Variants in PHEX observed in about 807,000 individuals in gnomAD.
The protein encoded by PHEX is phosphate regulating endopeptidase X-linked.
Under a neutral mutation model 68.0 loss-of-function variants are expected in PHEX, and 16 were observed. The observed-to-expected ratio is 0.24, with a 90% confidence interval of 0.16 to 0.36. The LOEUF is 0.36. Ranked by LOEUF, PHEX falls within the 10% of genes least tolerant of loss-of-function variation. The pLI is 1.00. For synonymous variants in PHEX, 208 were observed against 205.1 expected (o/e 1.01, Z -0.12); for missense variants, 480 against 575.5 (o/e 0.83, Z 1.70).
At chrX:22,238,756 A>C (rs900312156) in intron 20 of PHEX, among the ~76,000 whole-genome samples, 4 of 111,712 alleles carry the variant, frequency 3.6e-5, no homozygotes, top group African/African-American at 1.3e-4. Flanking sequence ...CAGTCAGGGA[A>C]TTATAGGTAA....
chrX:22,224,986 T>TGTATGATTTATTATCATACAGTG (rs1260080448), intron 18 of PHEX, among the ~76,000 whole-genome samples: 1 of 43,507 alleles, frequency 2.3e-5, no homozygotes, highest in Admixed American at 3.3e-4. Context: ...ATCATACAGC[T>TGTATGATTTATTATCATACAGTG]CTGTATGTCA....
intron 1 of PHEX, among the ~76,000 whole-genome samples, chrX:22,037,826 G>A (rs902082983): frequency 3.0e-4 from 33 of 110,725 alleles, no homozygotes; most frequent in African/African-American, 1.0e-3. Flanking sequence ...TTTTTGGTCC[G>A]TATCTGTATG....
intron 9 of PHEX, among the ~76,000 whole-genome samples, chrX:22,101,603 C>G (rs1337892106): frequency 9.0e-6 from 1 of 111,443 alleles, no homozygotes; most frequent in Non-Finnish European, 1.9e-5. Flanking sequence ...TATGGCTCTG[C>G]CCTCCCTTGG....
intron 20 of PHEX, 103 bp from the exon 21 acceptor site, chrX:22,245,230 T>C (rs1055203002): frequency 1.6e-6 from 1 of 622,358 alleles, no homozygotes; most frequent in African/African-American, 2.2e-5. Context: ...TTGTCATCCA[T>C]TGGTTCTAAA....
At chrX:22,224,983 A>AGT (rs1569433265) in intron 18 of PHEX, among the ~76,000 whole-genome samples, 6 of 108,513 alleles carry the variant, frequency 5.5e-5, no homozygotes, top group Non-Finnish European at 5.8e-5. Context: ...ATTATCATAC[A>AGT]GCTCTGTATG....
At chrX:22,157,909 A>G (rs780556553) in intron 12 of PHEX, among the ~76,000 whole-genome samples, 19 of 112,167 alleles carry the variant, frequency 1.7e-4, no homozygotes, top group African/African-American at 5.8e-4. Context: ...GTGCTTATCT[A>G]TCTTCTACCC....
intron 11 of PHEX, among the ~76,000 whole-genome samples, chrX:22,126,110 C>T (rs776915277): frequency 8.9e-6 from 1 of 112,072 alleles, no homozygotes; most frequent in South Asian, 3.7e-4. Context: ...AATCATATCA[C>T]ATGAGATATG....
chrX:22,053,686 A>C (rs1297307257), intron 3 of PHEX, among the ~76,000 whole-genome samples: 1 of 111,915 alleles, frequency 8.9e-6, no homozygotes, highest in Non-Finnish European at 1.9e-5. Context: ...TAGAACACTT[A>C]TGTCACACAG....
rs191942122 is a variant in PHEX at position 22,239,575 on chromosome X, C to T, written c.2071-5758C>T. ...CTTGATGGAGCTGAAAAACACAGCA[C>T]GAGAACTTTGTGAAGCATACACAAG... is the stretch of plus-strand genomic sequence containing the variant. On this transcript the variant is annotated intron_variant, in intron 20 of 21. Coordinates refer to ENST00000379374, the MANE Select transcript of PHEX (RefSeq NM_000444.6). 1.0e-4 allele frequency among the ~76,000 whole-genome samples: 11 copies of T among 110,449 alleles called. No homozygotes were observed. In the East Asian group the frequency reaches 1.1e-3, roughly 12 times the overall value.
chrX:22,046,906 GT>G, intron 2 of PHEX, 143 bp from the exon 3 acceptor site: 1 of 526,542 alleles, frequency 1.9e-6, no homozygotes. Flanking sequence ...ATATAGTGAG[GT>G]AGATTCAGAG....
chrX:22,088,439 G>A (rs1929713357), intron 5 of PHEX, among the ~76,000 whole-genome samples: 1 of 111,267 alleles, frequency 9.0e-6, no homozygotes, highest in Non-Finnish European at 1.9e-5. Flanking sequence ...AGTAATACAT[G>A]AGTGATCCAA....
intron 3 of PHEX, among the ~76,000 whole-genome samples, chrX:22,073,739 A>G (rs1929020676): frequency 1.0e-5 from 1 of 99,891 alleles, no homozygotes; most frequent in South Asian, 4.7e-4. Flanking sequence ...TCCTGGGTTC[A>G]AGCGATTCTC....
intron 20 of PHEX, among the ~76,000 whole-genome samples, chrX:22,228,627 T>A (rs1423488313): frequency 8.9e-6 from 1 of 111,960 alleles, no homozygotes; most frequent in African/African-American, 3.2e-5. Flanking sequence ...ATCTTTAGAT[T>A]TTCCTGGTTA....
rs184259270 is a variant in PHEX, at chrX:22,190,046, A to G, written c.1587-398A>G. ...TAAATGGACAGGCCAGAGGTAATGCAGCATAGAAACCCAATTGTCCATTCA... is the reference window on the plus strand; with the variant it reads ...TAAATGGACAGGCCAGAGGTAATGCGGCATAGAAACCCAATTGTCCATTCA... On this transcript the variant is annotated intron_variant, in intron 14 of 21. Transcript: ENST00000379374. Among the ~76,000 whole-genome samples, 294 of 112,284 alleles carry G rather than the reference A, an allele frequency of 2.6e-3. 2 individuals are homozygous for G. The highest frequency in any genetic ancestry group is 3.2e-3 in the Non-Finnish European group (171 of 53,284).
chrX:22,172,668 C>T (rs1299777605), intron 13 of PHEX: 3 of 111,650 alleles, frequency 2.7e-5, no homozygotes, highest in African/African-American at 9.8e-5. Flanking sequence ...CCTGTAGTGC[C>T]TCCTATTTGC....
At chrX:22,147,970 T>G (rs1932758549) in intron 12 of PHEX, among the ~76,000 whole-genome samples, 1 of 110,747 alleles carries the variant, frequency 9.0e-6, no homozygotes, top group Non-Finnish European at 1.9e-5. Flanking sequence ...GGTTTTATTT[T>G]TTTTTCCATC....
rs1251948879 is a variant in PHEX at position 22,087,352 on chromosome X, A to C, written c.664-3077A>C. 2.7e-5 allele frequency among the ~76,000 whole-genome samples: 3 copies of C among 111,962 alleles called. No individual in the cohort carries two copies. The Admixed American group carries it at 2.9e-4, about 11-fold the overall frequency. On this transcript the variant is annotated intron_variant, in intron 5 of 21. Transcript: ENST00000379374. ...ATAGTGGCAGATTGGGAATTGCAGT[A>C]GGACGAAGCCAGGAAGGCTTGTGAC...
chrX:22,070,227 G>A (rs1928837787), intron 3 of PHEX, among the ~76,000 whole-genome samples: 1 of 111,981 alleles, frequency 8.9e-6, no homozygotes, highest in Non-Finnish European at 1.9e-5. Flanking sequence ...AGATGTGGAA[G>A]CTTAAAGTAT....
At chrX:22,133,474 A>T in intron 11 of PHEX, 49 bp from the exon 12 acceptor site, 1 of 1,035,703 alleles carries the variant, frequency 9.7e-7, no homozygotes, top group African/African-American at 1.8e-5. Flanking sequence ...GAAAACCTCG[A>T]CTGAAGCTTC....
Sources: allele counts gnomAD v4.1 joint callset (sites outside exome capture counted in the v4.1 genomes callset), GRCh38; gene constraint gnomAD v4.1.1; transcripts MANE v1.5; gene names NCBI Gene and HGNC (gene_info 2026-07-23, HGNC 2026-07-21).